Variants in IL5 observed in about 807,000 individuals in gnomAD.
The protein encoded by IL5 is interleukin-5.
Under a neutral mutation model 16.3 loss-of-function variants are expected in IL5, and 12 were observed. The ratio of observed to expected loss-of-function variants is 0.74; its 90% CI spans 0.47 to 1.20. The LOEUF (loss-of-function observed/expected upper bound fraction) is 1.20, where lower values mean the gene tolerates loss of function less well. Among genes scored for constraint, IL5 ranks in the 50% most tolerant of loss-of-function variants. The pLI is 0.00. For missense variants in IL5, 159 were observed against 153.9 expected, an observed-to-expected ratio of 1.03 and a Z score of -0.17; for synonymous variants, 54 against 56.6, an observed-to-expected ratio of 0.95 and a Z score of 0.21.
rs1482327748 is a variant in IL5, at chr5:132,543,092, A to T, written c.177+2T>A. 1 of 1,597,218 alleles carries T rather than the reference A, an allele frequency of 6.3e-7. No individual in the cohort carries two copies. Among genetic ancestry groups the T allele is most frequent in the South Asian group, 1.1e-5 (1 of 90,082 alleles). ...ATTTTACTGAATCATAATTTAACTT[A>T]CATTTTTATGTACAGGAACAGGAAT... On this transcript the variant is annotated splice_donor_variant, in intron 2 of 3. Transcript: ENST00000231454. LOFTEE classifies it high-confidence loss of function.
chr5:132,555,760 C>T (rs1749971320), intron 1 of IL5, among the ~76,000 whole-genome samples: 1 of 152,218 alleles, frequency 6.6e-6, no homozygotes, highest in African/African-American at 2.4e-5. Context: ...CGTGATCCAC[C>T]CGTCTCGGCC....
upstream of IL5, among the ~76,000 whole-genome samples, chr5:132,546,416 G>C (rs1749788450): frequency 6.6e-6 from 1 of 152,006 alleles, no homozygotes; most frequent in Non-Finnish European, 1.5e-5. Context: ...TTTTGTGACT[G>C]GCTTATATCA....
upstream of IL5, among the ~76,000 whole-genome samples, chr5:132,548,070 A>G (rs887481999): frequency 6.6e-6 from 1 of 152,134 alleles, no homozygotes; most frequent in Non-Finnish European, 1.5e-5. Flanking sequence ...TTCCATTTCA[A>G]ATAAATAAAT....
chr5:132,544,967 G>A (rs1749760354), upstream of IL5, among the ~76,000 whole-genome samples: 1 of 152,222 alleles, frequency 6.6e-6, no homozygotes, highest in South Asian at 2.1e-4. Context: ...CGGCCTTCTT[G>A]TACCACGTTT....
intron 1 of IL5, among the ~76,000 whole-genome samples, chr5:132,553,595 C>T (rs1056973040): frequency 6.6e-6 from 1 of 151,214 alleles, no homozygotes; most frequent in East Asian, 1.9e-4. Flanking sequence ...TGTAGATTTG[C>T]TTTTTTCTTC....
At chr5:132,554,144 G>A (rs1408501083) in intron 1 of IL5, among the ~76,000 whole-genome samples, 1 of 151,796 alleles carries the variant, frequency 6.6e-6, no homozygotes, top group African/African-American at 2.4e-5. Flanking sequence ...GAGGCGGGTG[G>A]ATCACAAGGT....
In IL5 at chr5:132,543,377, C is replaced by A. The variant is rs1157937780; in HGVS notation, c.102G>T (p.Leu34Phe). The A allele has an allele frequency of 6.2e-7, 1 of 1,614,204 alleles. No homozygotes were observed. Among genetic ancestry groups the A allele is most frequent in the East Asian group, 2.2e-5 (1 of 44,886 alleles). The change falls in exon 1 of 4, where the codon TTG (leucine) becomes TTT (phenylalanine). Residue 34 changes from leucine to phenylalanine, a missense_variant. Leu to Phe is a conservative substitution (Grantham distance 22, BLOSUM62 0). Transcript: ENST00000231454. ...IPTSALVKET[L>F]ALLSTHRTLL... is the part of the protein sequence containing the mutation. ...GAGTTCGATGAGTAGAAAGCAGTGCCAAGGTCTCTTTCACCAATGCACTTG... is the reference window on the plus strand; with the variant it reads ...GAGTTCGATGAGTAGAAAGCAGTGCAAAGGTCTCTTTCACCAATGCACTTG...
upstream of IL5, among the ~76,000 whole-genome samples, chr5:132,547,691 G>T (rs1239509365): frequency 6.6e-6 from 1 of 152,174 alleles, no homozygotes; most frequent in Non-Finnish European, 1.5e-5. Context: ...ATGGGAAACT[G>T]GGTGCAGGGC....
intron 1 of IL5, among the ~76,000 whole-genome samples, chr5:132,550,325 C>CTT (rs539567798): frequency 2.9e-4 from 40 of 138,176 alleles, no homozygotes; most frequent in African/African-American, 6.2e-4. Context: ...AAAAAGAAAT[C>CTT]TTTTTTTTTT....
upstream of IL5, among the ~76,000 whole-genome samples, chr5:132,545,482 A>G (rs967989786): frequency 2.6e-5 from 4 of 152,198 alleles, no homozygotes; most frequent in South Asian, 4.2e-4. Flanking sequence ...GTGAGACTCC[A>G]TCTCTAGAAA....
At position 132,543,494 on chromosome 5, in the gene IL5, T is replaced by C. The variant is rs374539078; in HGVS notation, c.-16A>G. ...GCATCCTCATGGCTCTGAAACGTTC[T>C]GCGTTTGCCTTTGGCAAAGAAAGTG... On this transcript the variant is annotated 5_prime_UTR_variant, in exon 1 of 4. Coordinates refer to ENST00000231454, the MANE Select transcript of IL5 (RefSeq NM_000879.3). The C allele has an allele frequency of 5.2e-5, 84 of 1,611,858 alleles. No individual in the cohort carries two copies. The highest frequency in any genetic ancestry group is 7.0e-5 in the Non-Finnish European group (83 of 1,179,238).
chr5:132,553,582 A>C (rs1371799104), intron 1 of IL5, among the ~76,000 whole-genome samples: 1 of 152,126 alleles, frequency 6.6e-6, no homozygotes. Context: ...AAGTAAAGTA[A>C]AGTGTAGATT....
Position 132,541,771 on chromosome 5 carries a change from T to C in IL5, c.*40A>G. The stretch of plus-strand genomic sequence containing the variant: ...CATTCTCACTGCAGTAAAATGTCCT[T>C]CTCCTCCAAAATCTTTGGCTGCAAC... On this transcript the variant is annotated 3_prime_UTR_variant, in exon 4 of 4. Coordinates refer to ENST00000231454, the MANE Select transcript of IL5 (RefSeq NM_000879.3). The C allele has an allele frequency of 2.2e-6, 3 of 1,341,770 alleles. No homozygotes were observed. The highest frequency in any genetic ancestry group is 3.2e-6 in the Non-Finnish European group (3 of 938,020). The allele number at this position is 1,341,770 out of a possible 1,614,324, so 83.1% of individuals were successfully genotyped here.
At chr5:132,544,764 G>A (rs1259303217), upstream of IL5, among the ~76,000 whole-genome samples, 1 of 152,196 alleles carries the variant, frequency 6.6e-6, no homozygotes, top group East Asian at 1.9e-4. Context: ...CAGCCTAGAA[G>A]CCTGACTTCA....
chr5:132,547,923 G>T (rs1291232902), upstream of IL5, among the ~76,000 whole-genome samples: 1 of 152,082 alleles, frequency 6.6e-6, no homozygotes, highest in African/African-American at 2.4e-5. Flanking sequence ...ACAAAAATTA[G>T]CTAGGCTTGG....
chr5:132,542,986 C>A, intron 2 of IL5, 108 bp downstream of exon 2: 2 of 842,672 alleles, frequency 2.4e-6, no homozygotes, highest in Non-Finnish European at 3.9e-6. Context: ...CATATGAAAA[C>A]AAAATATAGA....
At chr5:132,553,699 G>A (rs541773313) in intron 1 of IL5, among the ~76,000 whole-genome samples, 102 of 152,200 alleles carry the variant, frequency 6.7e-4, no homozygotes, top group African/African-American at 2.3e-3. Context: ...CACTTTGGGA[G>A]CCCGAGGCGG....
chr5:132,544,557 G>A (rs576109022), upstream of IL5, among the ~76,000 whole-genome samples: 1 of 152,324 alleles, frequency 6.6e-6, no homozygotes, highest in African/African-American at 2.4e-5. Context: ...TTCACACCTT[G>A]GGCGGGCCAT....
chr5:132,542,849 C>T (rs1335139582), intron 2 of IL5, among the ~76,000 whole-genome samples: 1 of 152,110 alleles, frequency 6.6e-6, no homozygotes, highest in Non-Finnish European at 1.5e-5. Flanking sequence ...GGAAAGAATC[C>T]CTGACACGAT....
Sources: allele counts gnomAD v4.1 joint callset (sites outside exome capture counted in the v4.1 genomes callset), GRCh38; gene constraint gnomAD v4.1.1; transcripts MANE v1.5; gene names NCBI Gene and HGNC (gene_info 2026-07-23, HGNC 2026-07-21).